ADGRB1: variants seen among roughly 807,000 people sequenced by gnomAD.
The protein encoded by ADGRB1 is brain-specific angiogenesis inhibitor 1.
A neutral mutation model predicts 175.7 loss-of-function variants in ADGRB1; 36 were observed. That is an observed-to-expected ratio of 0.20 (90% CI 0.16 to 0.27). The LOEUF is 0.27. ADGRB1 is among the 10% of genes least tolerant of loss of function. ADGRB1 has a pLI of 1.00. For synonymous variants in ADGRB1, 1,054 were observed against 979.4 expected, an observed-to-expected ratio of 1.08 and a Z score of -1.42; for missense variants, 1,731 against 2,255.3, an observed-to-expected ratio of 0.77 and a Z score of 4.71.
intron 17 of ADGRB1, among the ~76,000 whole-genome samples, chr8:142,494,980 C>A (rs868495616): frequency 2.7e-4 from 41 of 152,272 alleles, no homozygotes; most frequent in African/African-American, 9.4e-4. Context: ...GGTGTCTCTA[C>A]TGGAGTGGGG....
Position 142,520,839 on chromosome 8 carries a change from C to G in ADGRB1, c.2938C>G (p.Arg980Gly). The change falls in exon 20 of 31, where the codon CGT becomes GGT. Residue 980 changes from arginine to glycine, a missense_variant. By Grantham distance (125) the Arg-to-Gly change is moderately radical. Transcript: ENST00000517894. ...VSVWRYIRSE[R>G]SVILINFCLS... ...TCTCCACAGGTACATTCGCTCAGAG[C>G]GTTCTGTCATCCTCATCAACTTCTG... 1 of 1,613,498 alleles carries G rather than the reference C, an allele frequency of 6.2e-7. No homozygotes were observed. The highest frequency in any genetic ancestry group is 1.7e-5 in the Admixed American group (1 of 59,986).
At chr8:142,489,009 G>T (rs930192683) in intron 14 of ADGRB1, 26 bp from the exon 15 acceptor site, 1 of 1,607,234 alleles carries the variant, frequency 6.2e-7, no homozygotes, top group Admixed American at 1.7e-5. Context: ...ATGGCGGGCC[G>T]GGGTTGACAG....
At chr8:142,544,174 T>C in intron 30 of ADGRB1, 46 bp from the exon 31 acceptor site, 1 of 1,536,088 alleles carries the variant, frequency 6.5e-7, no homozygotes, top group Non-Finnish European at 8.8e-7. Flanking sequence ...GGCTCATGGC[T>C]CTCCCTCCGG....
intron 27 of ADGRB1, 122 bp downstream of exon 27, chr8:142,539,535 C>T (rs900958070): frequency 8.3e-6 from 10 of 1,199,670 alleles, no homozygotes; most frequent in Admixed American, 4.0e-5. Flanking sequence ...CCCCCACCCA[C>T]ACCCAGCCAC....
chr8:142,498,576 TCA>T (rs150466443), intron 17 of ADGRB1, among the ~76,000 whole-genome samples: 2,483 of 152,192 alleles, frequency 0.016, 75 homozygotes, highest in African/African-American at 0.056. Flanking sequence ...CGCCCAGGCC[TCA>T]GTTTCCTTAA....
In ADGRB1 at chr8:142,518,218, C is replaced by G; in HGVS notation, c.2898C>G (p.Val966=). 1 of 1,613,804 alleles carries G rather than the reference C, an allele frequency of 6.2e-7. No individual in the cohort carries two copies. Among genetic ancestry groups the G allele is most frequent in the Non-Finnish European group, 8.5e-7 (1 of 1,179,800 alleles). Residue 966 remains valine, a synonymous_variant, in exon 19 of 31, where the codon GTC becomes GTG. Transcript: ENST00000517894. ...GVSSLTLLML[V]IIYVSVWRYI... The stretch of plus-strand genomic sequence containing the variant: ...CCTCTCTCACCCTGCTCATGCTGGT[C>G]ATCATCTACGTGTCCGTGTGGAGGT...
At chr8:142,497,327 C>T (rs1842267276) in intron 17 of ADGRB1, among the ~76,000 whole-genome samples, 1 of 152,172 alleles carries the variant, frequency 6.6e-6, no homozygotes, top group Admixed American at 6.5e-5. Flanking sequence ...AGAGCCTCTC[C>T]CTCACCCACC....
intron 17 of ADGRB1, among the ~76,000 whole-genome samples, chr8:142,496,478 G>C (rs951734498): frequency 2.0e-5 from 3 of 152,136 alleles, no homozygotes; most frequent in African/African-American, 4.8e-5. Flanking sequence ...AGGATGGGCT[G>C]GTGGGTGACA....
chr8:142,490,989 C>A (rs1023255123), intron 17 of ADGRB1, among the ~76,000 whole-genome samples, 174 bp downstream of exon 17: 2 of 152,174 alleles, frequency 1.3e-5, no homozygotes, highest in Non-Finnish European at 2.9e-5. Flanking sequence ...CTCTGGAGCC[C>A]ACCAGGCCGC....
chr8:142,530,315 G>A (rs1036255437), intron 24 of ADGRB1, among the ~76,000 whole-genome samples: 2 of 152,156 alleles, frequency 1.3e-5, no homozygotes, highest in African/African-American at 4.8e-5. Context: ...TCAGGGTCAG[G>A]GGCTGATCTG....
chr8:142,468,107 G>A (rs967026528), intron 2 of ADGRB1, among the ~76,000 whole-genome samples: 9 of 152,126 alleles, frequency 5.9e-5, no homozygotes, highest in East Asian at 1.9e-4. Flanking sequence ...ATGCATGTGC[G>A]TGTGCAAGTG....
chr8:142,497,384 G>A (rs531858142), intron 17 of ADGRB1, among the ~76,000 whole-genome samples: 9 of 152,184 alleles, frequency 5.9e-5, no homozygotes, highest in African/African-American at 1.4e-4. Flanking sequence ...CAGGCCAAGG[G>A]GGGGGAAGCG....
rs1374493925 is a variant in ADGRB1, at chr8:142,543,216, C to T, written c.4414-187C>T. ...CCCAGCCCAGCCTTGGTGCTGCTCG[C>T]TGGCACCCAGCGCATAGCTGGAGGA... On this transcript the variant is annotated intron_variant, in intron 28 of 30. Coordinates refer to ENST00000517894, the MANE Select transcript of ADGRB1 (RefSeq NM_001702.3). The surrounding 1 kb of genome is among the most constrained non-coding windows in gnomAD (Gnocchi z 4.4). Among the ~76,000 whole-genome samples, 1 of 152,178 alleles carries T rather than the reference C, an allele frequency of 6.6e-6. No individual in the cohort carries two copies. The highest frequency in any genetic ancestry group is 2.4e-5 in the African/African-American group (1 of 41,452).
At chr8:142,463,658 A>AGG (rs2131671526) in intron 1 of ADGRB1, among the ~76,000 whole-genome samples, 1 of 152,354 alleles carries the variant, frequency 6.6e-6, no homozygotes, top group East Asian at 1.9e-4. Context: ...GAGCCACGCC[A>AGG]GGCTGCGTGG....
At chr8:142,499,594 G>C (rs1041346171) in intron 17 of ADGRB1, among the ~76,000 whole-genome samples, 1 of 152,172 alleles carries the variant, frequency 6.6e-6, no homozygotes, top group Non-Finnish European at 1.5e-5. Flanking sequence ...GCGGAGTGCC[G>C]CGGTGGGAGC....
chr8:142,481,722 CG>C lies in ADGRB1; in HGVS notation c.2130+12del. On this transcript the variant is annotated intron_variant, in intron 11 of 30. Transcript: ENST00000517894. Reference sequence around the variant, plus strand: ...CCTGGGGACGTACAGGTGGGCTCCCCGAGCGGCATTTTGGAAGAGGGTGTCG... The same window carrying C: ...CCTGGGGACGTACAGGTGGGCTCCCCAGCGGCATTTTGGAAGAGGGTGTCG... 1 of 1,535,126 alleles carries C rather than the reference CG, an allele frequency of 6.5e-7. No homozygotes were observed. Among genetic ancestry groups the C allele is most frequent in the East Asian group, 2.3e-5 (1 of 43,164 alleles).
Position 142,464,092 on chromosome 8 carries a change from C to T in ADGRB1, c.-107C>T. ...CCCATCCCACCCTTGCCCCGCCTCC[C>T]TGCCCCCACCGGGCCGGCCCTGCCC... is the stretch of plus-strand genomic sequence containing the variant. On this transcript the variant is annotated 5_prime_UTR_variant, in exon 2 of 31. Transcript: ENST00000517894. 1 of 928,912 alleles carries T rather than the reference C, an allele frequency of 1.1e-6. No homozygotes were observed. The highest frequency in any genetic ancestry group is 3.9e-5 in the East Asian group (1 of 25,322). 57.5% of individuals were successfully genotyped at this position (928,912 alleles called of 1,614,324 possible).
intron 23 of ADGRB1, among the ~76,000 whole-genome samples, chr8:142,524,918 G>A (rs1013071128): frequency 6.6e-6 from 1 of 152,042 alleles, no homozygotes; most frequent in Non-Finnish European, 1.5e-5. Flanking sequence ...ACTGGGTCCA[G>A]CTCTGAGCCC....
intron 17 of ADGRB1, among the ~76,000 whole-genome samples, chr8:142,507,960 CG>C (rs1344262738): frequency 6.6e-6 from 1 of 151,862 alleles, no homozygotes; most frequent in Non-Finnish European, 1.5e-5. Flanking sequence ...TCCCCAGGCA[CG>C]GGGATGGGCC....
Sources: gnomAD v4.1 joint callset for allele counts (sites outside exome capture counted in the v4.1 genomes callset) on GRCh38, gnomAD v4.1.1 for gene constraint, Gnocchi (gnomAD v3.1) non-coding constraint, MANE v1.5 for transcripts, NCBI Gene and HGNC (gene_info 2026-07-23, HGNC 2026-07-21) for gene names.